SESTD1: variants seen among roughly 807,000 people sequenced by gnomAD.
SESTD1 encodes SEC14 domain and spectrin repeat-containing protein 1.
SESTD1 carries 43 observed loss-of-function variants against 101.7 expected under a neutral mutation model. The ratio of observed to expected loss-of-function variants is 0.42; its 90% CI spans 0.33 to 0.55. The LOEUF is 0.55. Among genes scored for constraint, SESTD1 ranks in the 20% least tolerant of loss-of-function variants. The pLI is 0.07. For missense variants in SESTD1, 647 were observed against 815.1 expected (o/e 0.79, Z 2.51); for synonymous variants, 283 against 286.8 (o/e 0.99, Z 0.13).
intron 1 of SESTD1, among the ~76,000 whole-genome samples, chr2:179,227,323 T>C (rs1262122724): frequency 6.6e-6 from 1 of 152,180 alleles, no homozygotes. Context: ...TATGAAACCT[T>C]TTCAGTTCCT....
intron 1 of SESTD1, among the ~76,000 whole-genome samples, chr2:179,204,504 G>A (rs1279247398): frequency 2.2e-5 from 3 of 134,440 alleles, no homozygotes; most frequent in Non-Finnish European, 4.8e-5. Context: ...GAGAATTCCT[G>A]ACAAACAACT....
chr2:179,153,387 G>T lies in SESTD1; in HGVS notation c.370-1996C>A, dbSNP rs373870007. On this transcript the variant is annotated intron_variant, in intron 5 of 17. Transcript: ENST00000428443. The stretch of plus-strand genomic sequence containing the variant: ...GAAAATGGCATTTTTGGCAAGGGAG[G>T]AAGGAAGATGTGGGAGAGAAAAAGC... Among the ~76,000 whole-genome samples the T allele has an allele frequency of 7.2e-5, 11 of 152,264 alleles. No individual in the cohort carries two copies. In the South Asian group the frequency reaches 2.3e-3, roughly 32 times the overall value.
intron 12 of SESTD1, 67 bp from the exon 13 acceptor site, chr2:179,121,996 C>G (rs188245100): frequency 2.0e-6 from 3 of 1,474,842 alleles, no homozygotes; most frequent in Non-Finnish European, 2.7e-6. Context: ...TCAAACAAAT[C>G]GTCTCATCAG....
chr2:179,141,297 C>A (rs1190911785), intron 9 of SESTD1, among the ~76,000 whole-genome samples: 1 of 152,120 alleles, frequency 6.6e-6, no homozygotes, highest in African/African-American at 2.4e-5. Context: ...ACTAGGACAC[C>A]AAGTCTTACA....
Position 179,143,730 on chromosome 2 carries a change from C to G in SESTD1, c.711G>C (p.Met237Ile), listed in dbSNP as rs1468907278. The G allele has an allele frequency of 1.2e-6, 2 of 1,613,842 alleles. No individual in the cohort carries two copies. Among genetic ancestry groups the G allele is most frequent in the African/African-American group, 1.3e-5 (1 of 74,904 alleles). ...GSDGGVSWSPMDDELLAQPQV... is the reference protein window; with the variant it reads ...GSDGGVSWSPIDDELLAQPQV... ...GTGGCTGTGCAAGAAGTTCATCATC[C>G]ATAGGAGACCATGAAACCCCTCCGT... The change falls in exon 9 of 18, where the codon ATG becomes ATC. Residue 237 changes from methionine (M) to isoleucine (I), a missense_variant. Physicochemically the swap from Met to Ile is conservative, Grantham distance 10 (BLOSUM62 1). Transcript: ENST00000428443.
chr2:179,138,945 AG>A (rs1247536432), intron 9 of SESTD1, among the ~76,000 whole-genome samples: 1 of 151,632 alleles, frequency 6.6e-6, no homozygotes, highest in Admixed American at 6.6e-5. Context: ...GTCCAATATC[AG>A]AGGCTCATCG....
intron 15 of SESTD1, 166 bp downstream of exon 15, chr2:179,116,502 A>T: frequency 2.0e-6 from 2 of 1,020,712 alleles, no homozygotes; most frequent in Non-Finnish European, 1.5e-6. Flanking sequence ...TCTCAAGTTT[A>T]TGCAGGCTAG....
chr2:179,166,663 TGA>T (rs1452604227), intron 5 of SESTD1, among the ~76,000 whole-genome samples: 9 of 152,276 alleles, frequency 5.9e-5, no homozygotes, highest in South Asian at 2.1e-4. Flanking sequence ...AGCCTATTGC[TGA>T]GAGTCAACTG....
chr2:179,171,564 T>C (rs2045930627), intron 5 of SESTD1, among the ~76,000 whole-genome samples: 1 of 152,170 alleles, frequency 6.6e-6, no homozygotes, highest in Admixed American at 6.5e-5. Flanking sequence ...AAGTTGAGAA[T>C]TAACAGGTGT....
At chr2:179,251,556 A>G (rs1574068877) in intron 1 of SESTD1, among the ~76,000 whole-genome samples, 1 of 152,196 alleles carries the variant, frequency 6.6e-6, no homozygotes, top group Admixed American at 6.5e-5. Context: ...TGTCACCCAA[A>G]GCAACAACTG....
intron 9 of SESTD1, among the ~76,000 whole-genome samples, 187 bp from the exon 10 acceptor site, chr2:179,132,613 C>A (rs1355665939): frequency 1.3e-5 from 2 of 152,190 alleles, no homozygotes; most frequent in African/African-American, 4.8e-5. Context: ...ATTTTCAAAA[C>A]TTAAATGTGG....
At chr2:179,171,933 T>G (rs1237666947) in intron 5 of SESTD1, among the ~76,000 whole-genome samples, 187 bp downstream of exon 5, 1 of 152,178 alleles carries the variant, frequency 6.6e-6, no homozygotes, top group Non-Finnish European at 1.5e-5. Flanking sequence ...TTTCATGATC[T>G]TTAACAAAAT....
At chr2:179,201,548 A>G (rs1393494190) in intron 1 of SESTD1, among the ~76,000 whole-genome samples, 1 of 132,374 alleles carries the variant, frequency 7.6e-6, no homozygotes, top group African/African-American at 3.1e-5. Flanking sequence ...GATAGACTGG[A>G]TTAAGAAAAT....
chr2:179,239,878 A>G (rs965097674), intron 1 of SESTD1, among the ~76,000 whole-genome samples: 4 of 152,190 alleles, frequency 2.6e-5, no homozygotes, highest in African/African-American at 4.8e-5. Context: ...TATATTAACA[A>G]CCAATTTACA....
At chr2:179,195,817 G>A (rs1447025171) in intron 1 of SESTD1, among the ~76,000 whole-genome samples, 1 of 150,488 alleles carries the variant, frequency 6.6e-6, no homozygotes, top group Non-Finnish European at 1.5e-5. Flanking sequence ...GGTTATAAAG[G>A]TAAAAAGGCA....
chr2:179,125,610 T>C (rs1449395824), intron 10 of SESTD1, among the ~76,000 whole-genome samples: 1 of 152,216 alleles, frequency 6.6e-6, no homozygotes, highest in Non-Finnish European at 1.5e-5. Flanking sequence ...TGAGCACCCA[T>C]CATCATGCTT....
rs1253228003 is a variant in SESTD1 at position 179,236,940 on chromosome 2, C to A, written c.-26+27559G>T. On this transcript the variant is annotated intron_variant, in intron 1 of 17. Coordinates refer to ENST00000428443, the MANE Select transcript of SESTD1 (RefSeq NM_178123.5). ...ACAAGGATCATCTTTTTGGTCAAAG[C>A]GTTTTAAAAGCAGTAATTACTGATT... Among the ~76,000 whole-genome samples, 5 of 151,210 alleles carry A rather than the reference C, an allele frequency of 3.3e-5. 1 individual carries two copies. In the East Asian group the frequency reaches 5.8e-4, roughly 18 times the overall value.
intron 5 of SESTD1, among the ~76,000 whole-genome samples, chr2:179,154,080 C>CA (rs748598701): frequency 0.14 from 8,551 of 60,698 alleles, 478 homozygotes; most frequent in Middle Eastern, 0.19. Context: ...CCAATCTCTA[C>CA]AAAAAAAAAA....
chr2:179,175,827 GA>G (rs1457326755), intron 4 of SESTD1, among the ~76,000 whole-genome samples: 1 of 152,106 alleles, frequency 6.6e-6, no homozygotes, highest in Admixed American at 6.5e-5. Flanking sequence ...GGAACATGAG[GA>G]AACATAAAAC....
Sources: gnomAD v4.1 joint callset for allele counts (sites outside exome capture counted in the v4.1 genomes callset) on GRCh38, gnomAD v4.1.1 for gene constraint, MANE v1.5 for transcripts, NCBI Gene and HGNC (gene_info 2026-07-23, HGNC 2026-07-21) for gene names.